SLC4A4: variants seen among roughly 807,000 people sequenced by gnomAD.
SLC4A4 encodes the protein solute carrier family 4 member 4, also known as electrogenic sodium bicarbonate cotransporter 1.
Under a neutral mutation model 111.5 loss-of-function variants are expected in SLC4A4, and 27 were observed. That is an observed-to-expected ratio of 0.24 (90% confidence interval 0.18 to 0.33). The LOEUF (loss-of-function observed/expected upper bound fraction) is 0.33, where lower values mean the gene tolerates loss of function less well. Ranked by LOEUF, SLC4A4 falls within the 10% of genes least tolerant of loss-of-function variation. The probability of loss-of-function intolerance (pLI) is 1.00; values close to 1 mark genes in which losing one functional copy is unlikely to be tolerated. For synonymous variants in SLC4A4, 443 were observed against 463.4 expected (o/e 0.96, Z 0.57); for missense variants, 909 against 1,315.5 (o/e 0.69, Z 4.78).
intron 3 of SLC4A4, chr4:71,300,758 G>A: frequency 5.4e-6 from 2 of 372,528 alleles, no homozygotes; most frequent in Non-Finnish European, 1.1e-5. Context: ...AGGTCTTACA[G>A]GCCATCTGGT....
intron 2 of SLC4A4, among the ~76,000 whole-genome samples, chr4:71,125,664 A>C (rs1310800911): frequency 2.0e-5 from 3 of 152,250 alleles, no homozygotes; most frequent in African/African-American, 7.2e-5. Context: ...TTTAATAATA[A>C]ATTTCAGTTT....
In SLC4A4 at chr4:71,089,845, G is replaced by A. The variant is rs369398278; in HGVS notation, c.-64-2885G>A. Among the ~76,000 whole-genome samples, 14 of 151,448 alleles carry A rather than the reference G, an allele frequency of 9.2e-5. No homozygotes were observed. In the East Asian group the frequency reaches 2.7e-3, roughly 30 times the overall value. On this transcript the variant is annotated intron_variant, in intron 1 of 26. Transcript: ENST00000649996. Reference sequence around the variant, plus strand: ...CCCAATTAGGCTACTCAGGGGTCAGGAACCCACTTGAGGAGGCAGTTTGTC... The same window carrying A: ...CCCAATTAGGCTACTCAGGGGTCAGAAACCCACTTGAGGAGGCAGTTTGTC...
chr4:71,548,228 G>T (rs1735696470), intron 20 of SLC4A4, among the ~76,000 whole-genome samples: 1 of 151,634 alleles, frequency 6.6e-6, no homozygotes, highest in African/African-American at 2.4e-5. Context: ...GAATCAGATG[G>T]CCTTATAATT....
intron 4 of SLC4A4, 42 bp downstream of exon 4, chr4:71,339,547 C>A (rs755150286): frequency 6.3e-7 from 1 of 1,598,792 alleles, no homozygotes; most frequent in South Asian, 1.1e-5. Flanking sequence ...CCCAGGGAAA[C>A]AAGGGCAGGG....
chr4:71,426,955 A>G (rs1458199343), intron 7 of SLC4A4, among the ~76,000 whole-genome samples: 1 of 152,094 alleles, frequency 6.6e-6, no homozygotes, highest in Non-Finnish European at 1.5e-5. Flanking sequence ...TGCTACATAT[A>G]TGCCATATTT....
At chr4:71,233,309 GT>G in intron 1 of SLC4A4, 1 of 985,410 alleles carries the variant, frequency 1.0e-6, no homozygotes, top group Non-Finnish European at 1.2e-6. Context: ...GCTACTGTGT[GT>G]GGTATGTAAA....
At chr4:71,155,939 C>T (rs568402678) in intron 2 of SLC4A4, among the ~76,000 whole-genome samples, 4 of 152,202 alleles carry the variant, frequency 2.6e-5, no homozygotes, top group South Asian at 2.1e-4. Context: ...AATATATGTA[C>T]GCATAAACTT....
intron 2 of SLC4A4, among the ~76,000 whole-genome samples, chr4:71,099,330 G>T (rs1474793426): frequency 6.6e-6 from 1 of 152,152 alleles, no homozygotes; most frequent in East Asian, 1.9e-4. Context: ...TGGAAATTAA[G>T]CAACATGCTG....
Position 71,560,246 on chromosome 4 carries a change from A to T in SLC4A4, c.3091A>T (p.Asn1031Tyr), listed in dbSNP as rs777062616. The T allele has an allele frequency of 6.2e-7, 1 of 1,607,518 alleles. No homozygotes were observed. The highest frequency in any genetic ancestry group is 8.5e-7 in the Non-Finnish European group (1 of 1,176,176). ...KKKKGSLDSD[N>Y]DDSDCPYSEK... ...GAAGAAGGGAAGTCTGGACAGTGAC[A>T]ATGATGATGTAAGGAACTTTCCAAA... Residue 1031 changes from asparagine to tyrosine, a missense_variant, in exon 23 of 26, where the codon AAT becomes TAT. This residue lies in a region of SLC4A4 where 85 missense variants were observed against 79.8 expected (regional missense o/e 1.07). Transcript: ENST00000264485.
intron 16 of SLC4A4, among the ~76,000 whole-genome samples, chr4:71,507,089 A>C (rs948611855): frequency 6.6e-6 from 1 of 152,220 alleles, no homozygotes; most frequent in Admixed American, 6.5e-5. Flanking sequence ...GAGCTCTTGA[A>C]GGAAGCACTA....
intron 15 of SLC4A4, among the ~76,000 whole-genome samples, chr4:71,493,784 A>G (rs1730156609): frequency 6.8e-6 from 1 of 147,978 alleles, no homozygotes; most frequent in Admixed American, 6.7e-5. Flanking sequence ...CACTATAAAC[A>G]CCTCAAAAGT....
chr4:71,148,605 G>T (rs1744241519), intron 2 of SLC4A4, among the ~76,000 whole-genome samples: 1 of 152,040 alleles, frequency 6.6e-6, no homozygotes, highest in Non-Finnish European at 1.5e-5. Context: ...GCATTCATGT[G>T]TTCTCATCCT....
intron 3 of SLC4A4, among the ~76,000 whole-genome samples, chr4:71,294,893 A>G (rs2148830651): frequency 6.6e-6 from 1 of 152,356 alleles, no homozygotes; most frequent in South Asian, 2.1e-4. Context: ...TCACCAGTCA[A>G]AAAGACAGTT....
intron 3 of SLC4A4, among the ~76,000 whole-genome samples, chr4:71,263,615 T>C (rs556501167): frequency 5.6e-4 from 85 of 152,324 alleles, no homozygotes; most frequent in African/African-American, 1.8e-3. Flanking sequence ...TGAAAAGTGA[T>C]TAAAATATAA....
At chr4:71,178,398 A>T (rs1468897760) in intron 2 of SLC4A4, among the ~76,000 whole-genome samples, 2 of 152,230 alleles carry the variant, frequency 1.3e-5, no homozygotes, top group Non-Finnish European at 2.9e-5. Flanking sequence ...ATCCCTTCAA[A>T]AAATCAATGA....
chr4:71,322,834 T>C (rs1342614599), intron 3 of SLC4A4, among the ~76,000 whole-genome samples: 1 of 152,012 alleles, frequency 6.6e-6, no homozygotes, highest in Non-Finnish European at 1.5e-5. Context: ...TTTTCTGTTC[T>C]GTTTATAGAA....
intron 1 of SLC4A4, among the ~76,000 whole-genome samples, chr4:71,206,132 A>C (rs1717751105): frequency 6.6e-6 from 1 of 152,202 alleles, no homozygotes; most frequent in Admixed American, 6.5e-5. Flanking sequence ...ATACTAATTT[A>C]ATCTTTGTTA....
intron 3 of SLC4A4, among the ~76,000 whole-genome samples, chr4:71,259,124 A>G (rs568229924): frequency 2.0e-5 from 3 of 152,308 alleles, no homozygotes; most frequent in Admixed American, 2.0e-4. Flanking sequence ...GTGGCAATAT[A>G]GTGAGACCCT....
chr4:71,518,548 C>A (rs1248865520), intron 16 of SLC4A4, among the ~76,000 whole-genome samples: 1 of 152,110 alleles, frequency 6.6e-6, no homozygotes, highest in African/African-American at 2.4e-5. Context: ...CCTGAGGCCA[C>A]AGGGGCTGAT....
Sources: gnomAD v4.1 joint callset for allele counts (sites outside exome capture counted in the v4.1 genomes callset) on GRCh38, gnomAD v4.1.1 for gene constraint, gnomAD v4.1.1 regional missense constraint, MANE v1.5 for transcripts, NCBI Gene and HGNC (gene_info 2026-07-23, HGNC 2026-07-21) for gene names.